Variants in BSN observed in about 807,000 individuals in gnomAD.
The protein encoded by BSN is protein bassoon.
Under a neutral mutation model 264.8 loss-of-function variants are expected in BSN, and 57 were observed. That is an observed-to-expected ratio of 0.22 (90% confidence interval 0.17 to 0.27). BSN has a LOEUF of 0.27. Ranked by LOEUF, BSN falls within the 10% of genes least tolerant of loss-of-function variation. BSN has a pLI of 1.00. For missense variants in BSN, 4,615 were observed against 5,232.5 expected (o/e 0.88, Z 3.64); for synonymous variants, 2,059 against 2,137.3 (o/e 0.96, Z 1.01).
rs749635060 is a variant in BSN, at chr3:49,662,047, G to T, written c.10202G>T (p.Gly3401Val). ...GTCAGCAGCAGCCTGGTCTCTCGGG[G>T]CAGGAAGTTCCAGGATGAAATCACC... ...PAVSSSLVSR[G>V]RKFQDEITYG... Residue 3401 changes from glycine to valine, a missense_variant, in exon 6 of 12, where the codon GGC becomes GTC. Around this residue, in one of 3 missense-constraint regions of BSN, gnomAD observed 3,415 missense variants for 3,866.4 expected, o/e 0.88. Transcript: ENST00000296452. 6 of 1,613,786 alleles carry T rather than the reference G, an allele frequency of 3.7e-6. No individual in the cohort carries two copies. The highest frequency in any genetic ancestry group is 4.2e-6 in the Non-Finnish European group (5 of 1,180,040).
At position 49,668,766 on chromosome 3, in the gene BSN, C is replaced by G. The variant is rs572634692; in HGVS notation, c.*1281C>G. On this transcript the variant is annotated 3_prime_UTR_variant, in exon 12 of 12. Transcript: ENST00000296452. ...TCTATCCATCCGGTGGACTGGGCAG[C>G]ATTCCTCCCCAGGGCTCTTCCCTTG... 1 of 152,778 alleles carries G rather than the reference C, an allele frequency of 6.5e-6. No homozygotes were observed. The highest frequency in any genetic ancestry group is 2.4e-5 in the African/African-American group (1 of 41,588). The allele number at this position is 152,778 out of a possible 1,614,324, so 9.5% of individuals were successfully genotyped here.
chr3:49,620,031 T>G (rs1292194583), intron 1 of BSN, among the ~76,000 whole-genome samples: 6 of 151,840 alleles, frequency 4.0e-5, no homozygotes, highest in Non-Finnish European at 8.8e-5. Context: ...AGCAATAAAT[T>G]TGTTATATGA....
In BSN at chr3:49,656,054, G is replaced by A; in HGVS notation, c.6498G>A (p.Gln2166=). 6.2e-7 allele frequency: 1 copy of A among 1,607,222 alleles called. No individual in the cohort carries two copies. Among genetic ancestry groups the A allele is most frequent in the Non-Finnish European group, 8.5e-7 (1 of 1,177,014 alleles). ...EGHPSPGNLA[Q]YGPAAGQGTA... ...ACCCAAGTCCTGGGAACTTGGCCCA[G>A]TATGGGCCTGCAGCAGGCCAAGGAA... Residue 2166 remains glutamine (Q), a synonymous_variant, in exon 5 of 12, where the codon CAG becomes CAA. Coordinates refer to ENST00000296452, the MANE Select transcript of BSN (RefSeq NM_003458.4).
intron 1 of BSN, among the ~76,000 whole-genome samples, chr3:49,565,249 C>T (rs1247870799): frequency 2.0e-5 from 3 of 149,672 alleles, no homozygotes; most frequent in Non-Finnish European, 4.4e-5. Context: ...GGGTTCATGC[C>T]ATTCTCCTGC....
intron 1 of BSN, among the ~76,000 whole-genome samples, chr3:49,609,496 TG>T (rs754493126): frequency 6.6e-6 from 1 of 152,138 alleles, no homozygotes; most frequent in Non-Finnish European, 1.5e-5. Context: ...CAGGTATCCC[TG>T]CCAACGGCAC....
At chr3:49,575,594 AATAT>A (rs1345192486) in intron 1 of BSN, among the ~76,000 whole-genome samples, 4 of 146,952 alleles carry the variant, frequency 2.7e-5, no homozygotes, top group Non-Finnish European at 6.0e-5. Flanking sequence ...GACAGAGTCA[AATAT>A]ATATACATAT....
chr3:49,568,104 T>C (rs1363225411), intron 1 of BSN, among the ~76,000 whole-genome samples: 1 of 152,234 alleles, frequency 6.6e-6, no homozygotes, highest in Non-Finnish European at 1.5e-5. Flanking sequence ...TGCCACATTC[T>C]GTTTACTAAC....
Position 49,654,620 on chromosome 3 carries a change from T to C in BSN, c.5064T>C (p.Ser1688=). ...ILTDQGMDLT[S]LAVEARKYGL... ...CTGACCAGGGCATGGACCTCACCTC[T>C]CTTGCTGTGGAAGCGAGGAAGTATG... The change falls in exon 5 of 12, where the codon TCT becomes TCC. Residue 1688 remains serine (S), a synonymous_variant. Transcript: ENST00000296452. The surrounding 1 kb of genome is among the most constrained non-coding windows in gnomAD (Gnocchi z 4.1). The C allele has an allele frequency of 6.2e-7, 1 of 1,613,988 alleles. No individual in the cohort carries two copies. The highest frequency in any genetic ancestry group is 1.7e-5 in the Admixed American group (1 of 60,026).
chr3:49,597,648 T>TC, intron 1 of BSN, among the ~76,000 whole-genome samples: 1 of 152,102 alleles, frequency 6.6e-6, no homozygotes, highest in Non-Finnish European at 1.5e-5. Context: ...GTACTTTTTT[T>TC]TTCTTCTTCT....
At chr3:49,666,077 C>T (rs972826934) in intron 11 of BSN, among the ~76,000 whole-genome samples, 1 of 152,274 alleles carries the variant, frequency 6.6e-6, no homozygotes, top group African/African-American at 2.4e-5. Context: ...GCTCTGTGCA[C>T]AGCCAGGACC....
intron 1 of BSN, among the ~76,000 whole-genome samples, chr3:49,587,220 G>A (rs2051943760): frequency 6.6e-6 from 1 of 152,060 alleles, no homozygotes; most frequent in Non-Finnish European, 1.5e-5. Flanking sequence ...TTCACTGTTG[G>A]CATATAGTAA....
rs965004425 is a variant in BSN, at chr3:49,656,015, C to G, written c.6459C>G (p.Thr2153=). 1 of 1,602,654 alleles carries G rather than the reference C, an allele frequency of 6.2e-7. No individual in the cohort carries two copies. Among genetic ancestry groups the G allele is most frequent in the Non-Finnish European group, 8.5e-7 (1 of 1,174,398 alleles). ...PLRPGLLGNP[T]FPEGHPSPGN... is the part of the protein sequence containing the mutation. ...GACCTGGACTCCTTGGTAACCCCAC[C>G]TTTCCAGAGGGCCACCCAAGTCCTG... Residue 2153 remains threonine (T), a synonymous_variant, in exon 5 of 12, where the codon ACC becomes ACG. Transcript: ENST00000296452.
intron 1 of BSN, among the ~76,000 whole-genome samples, chr3:49,559,139 C>A (rs2107996933): frequency 6.6e-6 from 1 of 152,216 alleles, no homozygotes; most frequent in African/African-American, 2.4e-5. Flanking sequence ...GTTGGCCAGG[C>A]TGGTCTCAAA....
intron 1 of BSN, among the ~76,000 whole-genome samples, chr3:49,614,943 C>G (rs995268154): frequency 2.0e-5 from 3 of 152,126 alleles, no homozygotes; most frequent in Non-Finnish European, 4.4e-5. Context: ...GGCCTGGATT[C>G]CCCTTGCTTT....
chr3:49,644,721 A>G (rs907616548), intron 3 of BSN, among the ~76,000 whole-genome samples: 4 of 152,134 alleles, frequency 2.6e-5, no homozygotes, highest in African/African-American at 9.7e-5. Flanking sequence ...AGCGACTGTG[A>G]GCCCCAGTGG....
Position 49,652,115 on chromosome 3 carries a change from G to A in BSN, c.2559G>A (p.Glu853=). The A allele has an allele frequency of 6.2e-7, 1 of 1,613,348 alleles. No individual in the cohort carries two copies. Among genetic ancestry groups the A allele is most frequent in the Non-Finnish European group, 8.5e-7 (1 of 1,179,428 alleles). Residue 853 remains glutamate, a synonymous_variant, in exon 5 of 12, where the codon GAG becomes GAA. Transcript: ENST00000296452. ...GGCAGATTCTCGAGATGAGCGCCGA[G>A]GAAGACAACCTGGAGGAGGATGACA... ...MRRQILEMSA[E]EDNLEEDDTA... is the part of the protein sequence containing the mutation.
At position 49,663,656 on chromosome 3, in the gene BSN, C is replaced by A; in HGVS notation, c.11498C>A (p.Pro3833Gln). 1 of 1,604,266 alleles carries A rather than the reference C, an allele frequency of 6.2e-7. No individual in the cohort carries two copies. Among genetic ancestry groups the A allele is most frequent in the Non-Finnish European group, 8.5e-7 (1 of 1,174,196 alleles). Residue 3833 changes from proline (P) to glutamine (Q), a missense_variant, in exon 7 of 12, where the codon CCA (proline) becomes CAA (glutamine). This residue lies in a region of BSN where 3,415 missense variants were observed against 3,866.4 expected (regional missense o/e 0.88). Transcript: ENST00000296452. ...CCCAGCACAGCCACAGGTCCTCAAC[C>A]AGCAGGACCGGTAAGCAGAGCTCCC... ...PGPSTATGPQ[P>Q]AGPPRAEQTN...
intron 2 of BSN, among the ~76,000 whole-genome samples, chr3:49,636,403 G>C (rs771313855): frequency 4.6e-5 from 7 of 152,148 alleles, no homozygotes; most frequent in Admixed American, 1.3e-4. Context: ...GTATGGGGAG[G>C]GTGCAGGGGA....
chr3:49,594,914 G>GTC (rs2052009899), intron 1 of BSN, among the ~76,000 whole-genome samples: 2 of 137,940 alleles, frequency 1.4e-5, no homozygotes, highest in African/African-American at 5.4e-5. Flanking sequence ...TTGAGACCAA[G>GTC]TCTTGCTTGC....
Sources: gnomAD v4.1 joint callset for allele counts (sites outside exome capture counted in the v4.1 genomes callset) on GRCh38, gnomAD v4.1.1 for gene constraint, gnomAD v4.1.1 regional missense constraint, Gnocchi (gnomAD v3.1) non-coding constraint, MANE v1.5 for transcripts, NCBI Gene and HGNC (gene_info 2026-07-23, HGNC 2026-07-21) for gene names.